Variants in PARD3B observed in about 807,000 individuals in gnomAD.
The protein encoded by PARD3B is par-3 family cell polarity regulator beta.
Under a neutral mutation model 130.2 loss-of-function variants are expected in PARD3B, and 103 were observed. The observed-to-expected ratio is 0.79, with a 90% CI of 0.67 to 0.93. The LOEUF is 0.93. Ranked by LOEUF, PARD3B falls within the 40% of genes least tolerant of loss-of-function variation. The pLI, the probability that PARD3B is intolerant of heterozygous loss-of-function variation, is 0.00. For missense variants in PARD3B, 1,609 were observed against 1,499.2 expected, an observed-to-expected ratio of 1.07 and a Z score of -1.21; for synonymous variants, 583 against 553.2, an observed-to-expected ratio of 1.05 and a Z score of -0.76.
At chr2:205,373,475 G>A (rs1189814007) in intron 18 of PARD3B, among the ~76,000 whole-genome samples, 1 of 152,164 alleles carries the variant, frequency 6.6e-6, no homozygotes, top group Non-Finnish European at 1.5e-5. Flanking sequence ...TAGATGAGAA[G>A]CAAAGGCAGA....
chr2:205,384,621 G>A (rs1185732108), intron 18 of PARD3B, among the ~76,000 whole-genome samples: 1 of 152,020 alleles, frequency 6.6e-6, no homozygotes, highest in South Asian at 2.1e-4. Context: ...TGCTCTCCAC[G>A]GCAAAGCCTG....
intron 2 of PARD3B, among the ~76,000 whole-genome samples, chr2:204,823,521 G>A (rs187096035): frequency 4.3e-4 from 66 of 152,142 alleles, no homozygotes; most frequent in African/African-American, 1.5e-3. Context: ...TTCATACAGG[G>A]TAAGAAATAG....
At chr2:205,535,486 G>T (rs1045958316) in intron 21 of PARD3B, among the ~76,000 whole-genome samples, 4 of 152,204 alleles carry the variant, frequency 2.6e-5, no homozygotes, top group Non-Finnish European at 5.9e-5. Flanking sequence ...ATTGTAATCT[G>T]CATGTGAATA....
intron 16 of PARD3B, among the ~76,000 whole-genome samples, chr2:205,266,076 T>C (rs537635907): frequency 1.3e-5 from 2 of 152,220 alleles, no homozygotes; most frequent in South Asian, 2.1e-4. Context: ...TAGCTTCTTA[T>C]CAGATTGTTC....
chr2:205,388,818 A>G (rs1015735096), intron 18 of PARD3B, among the ~76,000 whole-genome samples: 2 of 152,144 alleles, frequency 1.3e-5, no homozygotes, highest in African/African-American at 2.4e-5. Flanking sequence ...CTCCTTCCAG[A>G]TAAGGTGCTA....
At chr2:205,499,351 TG>T (rs1431519297) in intron 20 of PARD3B, among the ~76,000 whole-genome samples, 6 of 152,104 alleles carry the variant, frequency 3.9e-5, no homozygotes, top group African/African-American at 1.2e-4. Flanking sequence ...TGTTTTGTTT[TG>T]TTTTTTTACT....
At chr2:205,195,068 G>C (rs1270931298) in intron 15 of PARD3B, among the ~76,000 whole-genome samples, 1 of 150,970 alleles carries the variant, frequency 6.6e-6, no homozygotes, top group African/African-American at 2.4e-5. Context: ...CAAAGTGCTG[G>C]GATTACAGGC....
chr2:205,431,749 G>A (rs564838518), intron 19 of PARD3B, among the ~76,000 whole-genome samples: 22 of 152,076 alleles, frequency 1.4e-4, no homozygotes, highest in Non-Finnish European at 1.9e-4. Context: ...GATTACAGAC[G>A]TGAGCCACCG....
At chr2:205,594,980 T>C (rs1273506803) in intron 22 of PARD3B, among the ~76,000 whole-genome samples, 2 of 152,200 alleles carry the variant, frequency 1.3e-5, no homozygotes, top group African/African-American at 2.4e-5. Flanking sequence ...ACTCAGAAAA[T>C]ATTGAGGGCC....
Position 205,473,678 on chromosome 2 carries a change from GTGTATGTA to G in PARD3B, c.3045-26216_3045-26209del, listed in dbSNP as rs575708974. ...TATGTGTGTGTGTGTGTGTGTGTGT[GTGTATGTA>G]TATATATATATATATATATATATAC... On this transcript the variant is annotated intron_variant, in intron 20 of 22. Transcript: ENST00000406610. The surrounding 1 kb of genome is among the most constrained non-coding windows in gnomAD (Gnocchi z 4.9). 8.9e-5 allele frequency among the ~76,000 whole-genome samples: 8 copies of G among 90,170 alleles called. No homozygotes were observed. Among genetic ancestry groups the G allele is most frequent in the South Asian group, 3.2e-4 (1 of 3,080 alleles). The allele number at this position is 90,170 out of a possible 152,430, so 59.2% of individuals were successfully genotyped here. A position where few individuals can be genotyped will look rare whatever the true frequency, so the allele number is the denominator to read the frequency against.
At chr2:205,164,822 TAC>T (rs71032448) in intron 11 of PARD3B, among the ~76,000 whole-genome samples, 64 of 147,196 alleles carry the variant, frequency 4.3e-4, no homozygotes, top group Admixed American at 1.1e-3. Flanking sequence ...TATATATGTA[TAC>T]ACACACACAC....
chr2:205,271,875 C>T (rs1420311165), intron 16 of PARD3B, among the ~76,000 whole-genome samples: 6 of 152,076 alleles, frequency 3.9e-5, no homozygotes, highest in African/African-American at 7.2e-5. Context: ...GAAAGATGCT[C>T]GGCTGGGTGC....
chr2:204,729,933 T>G (rs2039415262), intron 2 of PARD3B, among the ~76,000 whole-genome samples: 1 of 151,950 alleles, frequency 6.6e-6, no homozygotes, highest in Non-Finnish European at 1.5e-5. Context: ...TGATTCCTCC[T>G]TTTTTGTATC....
chr2:204,550,322 G>T (rs2030354634), intron 1 of PARD3B, among the ~76,000 whole-genome samples: 1 of 152,104 alleles, frequency 6.6e-6, no homozygotes, highest in South Asian at 2.1e-4. Flanking sequence ...GTGTGTGTGT[G>T]TTCAGTACAC....
chr2:204,862,229 T>C (rs995824619), intron 2 of PARD3B, among the ~76,000 whole-genome samples: 1 of 152,200 alleles, frequency 6.6e-6, no homozygotes, highest in Non-Finnish European at 1.5e-5. Flanking sequence ...TTGCTGGAAG[T>C]GCAGTGGAAA....
rs563121981 is a variant in PARD3B at position 205,316,951 on chromosome 2, T to C, written c.2630+15250T>C. ...CATCCAACAAATATTGATTACCTAATAAGTATAGTCTTAGTACTTGGTTGG... is the reference window on the plus strand; with the variant it reads ...CATCCAACAAATATTGATTACCTAACAAGTATAGTCTTAGTACTTGGTTGG... On this transcript the variant is annotated intron_variant, in intron 18 of 22. Transcript: ENST00000406610. Among the ~76,000 whole-genome samples, 82 of 152,310 alleles carry C rather than the reference T, an allele frequency of 5.4e-4. 3 individuals carry two copies. In the South Asian group the frequency reaches 0.017, roughly 32 times the overall value.
chr2:205,293,538 G>A (rs1225016462), intron 16 of PARD3B: 1 of 152,126 alleles, frequency 6.6e-6, no homozygotes, highest in Non-Finnish European at 1.5e-5. Context: ...ACATGAGGTG[G>A]AAATGGCAGA....
chr2:204,643,137 T>A (rs1235443849), intron 1 of PARD3B, among the ~76,000 whole-genome samples: 862 of 29,538 alleles, frequency 0.029, 10 homozygotes, highest in Non-Finnish European at 0.056. Flanking sequence ...AAAAAAAAAA[T>A]GTTTGGCACC....
At chr2:204,691,803 A>C (rs2037366488) in intron 2 of PARD3B, among the ~76,000 whole-genome samples, 1 of 148,772 alleles carries the variant, frequency 6.7e-6, no homozygotes, top group Non-Finnish European at 1.5e-5. Context: ...ACTGCTTTTT[A>C]AACAAAACTG....
Sources: gnomAD v4.1 joint callset for allele counts (sites outside exome capture counted in the v4.1 genomes callset) on GRCh38, gnomAD v4.1.1 for gene constraint, Gnocchi (gnomAD v3.1) non-coding constraint, MANE v1.5 for transcripts, NCBI Gene and HGNC (gene_info 2026-07-23, HGNC 2026-07-21) for gene names.